Variants in PCDH15 observed in about 807,000 individuals in gnomAD.
The protein encoded by PCDH15 is protocadherin related 15.
In PCDH15, 129 loss-of-function variants were observed where a neutral mutation model predicts 178.5. The observed-to-expected ratio is 0.72, with a 90% CI of 0.63 to 0.84. PCDH15 has a LOEUF of 0.84. PCDH15 is among the 40% of genes least tolerant of loss of function. The pLI is 0.00. For synonymous variants in PCDH15, 800 were observed against 732.0 expected (o/e 1.09, Z -1.50); for missense variants, 2,230 against 2,099.9 (o/e 1.06, Z -1.21).
Position 54,132,888 on chromosome 10 carries a change from A to G in PCDH15, c.1904T>C (p.Leu635Ser), listed in dbSNP as rs760080385. ...ISEAMRVGAV[L>S]LNLQATDREG... ...CAAGGAACATACCTGTAGATTTAAT[A>G]AAACAGCACCAACCCTCATGGCTTC... Residue 635 changes from leucine (L) to serine (S), a missense_variant, in exon 15 of 38, where the codon TTA becomes TCA. By Grantham distance (145) the Leu-to-Ser change is moderately radical. Coordinates refer to ENST00000644397, the MANE Select transcript of PCDH15 (RefSeq NM_001384140.1). The G allele has an allele frequency of 1.9e-6, 3 of 1,613,320 alleles. No homozygotes were observed. In the Admixed American group the frequency reaches 5.0e-5, roughly 27 times the overall value.
At chr10:55,254,040 T>C (rs1384919619) in intron 1 of PCDH15, among the ~76,000 whole-genome samples, 1 of 152,202 alleles carries the variant, frequency 6.6e-6, no homozygotes, top group Non-Finnish European at 1.5e-5. Context: ...TACACAGGTC[T>C]TCTTTGAAAG....
At chr10:55,504,509 A>AC (rs1321267728) in intron 2 of PCDH15, among the ~76,000 whole-genome samples, 2 of 151,370 alleles carry the variant, frequency 1.3e-5, no homozygotes, top group African/African-American at 2.4e-5. Context: ...AGGTTTAATT[A>AC]CCAGTACATC....
At chr10:54,882,092 G>A (rs766926367) in intron 3 of PCDH15, among the ~76,000 whole-genome samples, 18 of 151,816 alleles carry the variant, frequency 1.2e-4, no homozygotes, top group Admixed American at 1.3e-4. Flanking sequence ...ATTTAATACC[G>A]AATTCATATG....
chr10:54,529,780 G>A (rs143297449), intron 2 of PCDH15, among the ~76,000 whole-genome samples: 1,695 of 152,066 alleles, frequency 0.011, 14 homozygotes, highest in South Asian at 0.027. Context: ...CTTGAAAAAT[G>A]ATTTCAACAT....
intron 2 of PCDH15, among the ~76,000 whole-genome samples, chr10:55,114,848 C>G (rs1440442085): frequency 1.3e-5 from 2 of 152,074 alleles, no homozygotes; most frequent in Non-Finnish European, 2.9e-5. Flanking sequence ...TTATTTAAAC[C>G]CTTGTAATTC....
chr10:55,541,510 T>C (rs1254787816), intron 2 of PCDH15, among the ~76,000 whole-genome samples: 1 of 151,978 alleles, frequency 6.6e-6, no homozygotes, highest in Non-Finnish European at 1.5e-5. Context: ...AACAACCCTC[T>C]AATGATTGTA....
chr10:55,505,108 CTT>C (rs1455255954), intron 2 of PCDH15, among the ~76,000 whole-genome samples: 1 of 151,162 alleles, frequency 6.6e-6, no homozygotes, highest in Admixed American at 6.6e-5. Context: ...CTAGAGAACA[CTT>C]TGATATGAAC....
chr10:54,643,258 T>A (rs993742117), intron 2 of PCDH15, among the ~76,000 whole-genome samples: 1 of 152,172 alleles, frequency 6.6e-6, no homozygotes, highest in Non-Finnish European at 1.5e-5. Flanking sequence ...GACATATGTT[T>A]TTTCATTTAT....
intron 2 of PCDH15, among the ~76,000 whole-genome samples, chr10:55,057,743 C>T (rs1841338685): frequency 6.6e-6 from 1 of 152,318 alleles, no homozygotes; most frequent in Admixed American, 6.5e-5. Flanking sequence ...TTATATTTCT[C>T]CTTTTCAATC....
chr10:54,061,238 T>C (rs1426379110), intron 18 of PCDH15, among the ~76,000 whole-genome samples: 1 of 152,292 alleles, frequency 6.6e-6, no homozygotes, highest in Admixed American at 6.5e-5. Context: ...TAAAGATCAA[T>C]TATTTGCATG....
At chr10:54,591,619 A>C (rs933925747) in intron 2 of PCDH15, among the ~76,000 whole-genome samples, 2 of 152,232 alleles carry the variant, frequency 1.3e-5, no homozygotes, top group Non-Finnish European at 2.9e-5. Flanking sequence ...CTAAGACAGC[A>C]GTAGATAACT....
intron 2 of PCDH15, among the ~76,000 whole-genome samples, chr10:55,582,133 G>C (rs976906211): frequency 6.6e-6 from 1 of 152,170 alleles, no homozygotes; most frequent in African/African-American, 2.4e-5. Flanking sequence ...GAAAGTGTCC[G>C]GGTTCCACCC....
chr10:54,612,999 T>C (rs1565744200), intron 2 of PCDH15, among the ~76,000 whole-genome samples: 1 of 151,854 alleles, frequency 6.6e-6, no homozygotes, highest in Admixed American at 6.6e-5. Context: ...AGGCATGGCA[T>C]AATTTTACAT....
chr10:55,160,302 C>A (rs917621535), intron 2 of PCDH15, among the ~76,000 whole-genome samples: 7 of 151,528 alleles, frequency 4.6e-5, no homozygotes, highest in African/African-American at 1.7e-4. Flanking sequence ...CGGGAGGCAG[C>A]CCTGACATGT....
At chr10:54,390,997 A>G (rs938548361) in intron 3 of PCDH15, among the ~76,000 whole-genome samples, 1 of 152,158 alleles carries the variant, frequency 6.6e-6, no homozygotes. Flanking sequence ...AACACTTATA[A>G]TCATAAAAAG....
At chr10:54,732,600 C>A (rs1953610) in intron 1 of PCDH15, among the ~76,000 whole-genome samples, 4,596 of 151,410 alleles carry the variant, frequency 0.03, 235 homozygotes, top group African/African-American at 0.11. Flanking sequence ...TGGGGAATTC[C>A]ACTAAATGCT....
chr10:53,883,765 G>C (rs1440397843), intron 26 of PCDH15, among the ~76,000 whole-genome samples: 2 of 152,134 alleles, frequency 1.3e-5, no homozygotes, highest in Non-Finnish European at 2.9e-5. Context: ...GCCCAGGCTG[G>C]AGCGCAATGG....
chr10:55,589,591 T>C (rs1366895401), intron 2 of PCDH15, among the ~76,000 whole-genome samples: 1 of 151,976 alleles, frequency 6.6e-6, no homozygotes, highest in Non-Finnish European at 1.5e-5. Flanking sequence ...ATCCAGAATC[T>C]ACAATGAACT....
chr10:54,275,137 G>A (rs1048236367), intron 8 of PCDH15, among the ~76,000 whole-genome samples: 2 of 151,930 alleles, frequency 1.3e-5, no homozygotes, highest in Non-Finnish European at 2.9e-5. Context: ...AGCAAGCTTG[G>A]TGGAAACAAA....
Sources: gnomAD v4.1 joint callset for allele counts (sites outside exome capture counted in the v4.1 genomes callset) on GRCh38, gnomAD v4.1.1 for gene constraint, MANE v1.5 for transcripts, NCBI Gene and HGNC (gene_info 2026-07-23, HGNC 2026-07-21) for gene names.